Variants in MNS1 observed in about 807,000 individuals in gnomAD.
The protein encoded by MNS1 is meiosis-specific nuclear structural protein 1.
In MNS1, 63 loss-of-function variants were observed where a neutral mutation model predicts 72.0. The observed-to-expected ratio is 0.87, with a 90% CI of 0.71 to 1.08. The LOEUF is 1.08. MNS1 is among the 50% of genes least tolerant of loss of function. The pLI, the probability that MNS1 is intolerant of heterozygous loss-of-function variation, is 0.00. For missense variants in MNS1, 604 were observed against 562.4 expected (o/e 1.07, Z -0.75); for synonymous variants, 188 against 172.1 (o/e 1.09, Z -0.72).
At chr15:56,441,325 A>G (rs1376419344) in intron 7 of MNS1, among the ~76,000 whole-genome samples, 3 of 151,976 alleles carry the variant, frequency 2.0e-5, no homozygotes, top group African/African-American at 7.2e-5. Flanking sequence ...ATCTCGGTGA[A>G]GGTTCCATGT....
Position 56,429,142 on chromosome 15 carries a change from T to C in MNS1, c.1447A>G (p.Lys483Glu). ...DIDLLGEEFR[K>E]VYQQRSEICE... ...ATTTCACTCCTTTGTTGATATACTT[T>C]CCTGAACTCTTCACCAAGCAGATCA... The change falls in exon 10 of 10, where the codon AAA (lysine) becomes GAA (glutamate). Residue 483 changes from lysine to glutamate, a missense_variant. Lys to Glu is a moderately conservative substitution (Grantham distance 56, BLOSUM62 1). Transcript: ENST00000260453. 1.4e-5 allele frequency: 22 copies of C among 1,603,658 alleles called. No homozygotes were observed. The highest frequency in any genetic ancestry group is 1.6e-5 in the Non-Finnish European group (19 of 1,175,966).
chr15:56,431,600 C>G (rs928601887), intron 8 of MNS1, 102 bp from the exon 9 acceptor site: 3 of 1,075,864 alleles, frequency 2.8e-6, no homozygotes, highest in Admixed American at 2.6e-5. Flanking sequence ...AATTGATGAA[C>G]TATTTATGAC....
chr15:56,462,704 G>C (rs1392075353), intron 2 of MNS1, among the ~76,000 whole-genome samples: 1 of 152,170 alleles, frequency 6.6e-6, no homozygotes, highest in South Asian at 2.1e-4. Flanking sequence ...CCGTATGAAT[G>C]TTCCTTGGAT....
At chr15:56,461,660 C>CAAAAAAA (rs11294380) in intron 2 of MNS1, among the ~76,000 whole-genome samples, 2 of 57,092 alleles carry the variant, frequency 3.5e-5, no homozygotes, top group African/African-American at 6.9e-5. Flanking sequence ...GACTCTGTCT[C>CAAAAAAA]AAAAAAAAAA....
intron 3 of MNS1, among the ~76,000 whole-genome samples, chr15:56,448,693 CAT>C (rs2050925621): frequency 6.6e-6 from 1 of 151,152 alleles, no homozygotes; most frequent in African/African-American, 2.4e-5. Flanking sequence ...CAGCAATAAA[CAT>C]ATAAATGCAT....
chr15:56,461,988 T>TG (rs1567155355), intron 2 of MNS1, among the ~76,000 whole-genome samples: 1 of 135,850 alleles, frequency 7.4e-6, no homozygotes, highest in East Asian at 2.2e-4. Flanking sequence ...TTTTTTTTTT[T>TG]TTTTTTTTTT....
At chr15:56,445,667 AC>A (rs1195268559) in intron 4 of MNS1, 1 of 152,176 alleles carries the variant, frequency 6.6e-6, no homozygotes, top group African/African-American at 2.4e-5. Flanking sequence ...TTCTCATTTT[AC>A]AGATAAGAAA....
intron 8 of MNS1, among the ~76,000 whole-genome samples, chr15:56,432,559 A>G (rs1406871507): frequency 6.6e-6 from 1 of 152,206 alleles, no homozygotes; most frequent in Non-Finnish European, 1.5e-5. Context: ...AACTAAGCCG[A>G]CAGCTTCATA....
intron 7 of MNS1, among the ~76,000 whole-genome samples, chr15:56,439,848 C>T (rs2050790018): frequency 6.7e-6 from 1 of 150,338 alleles, no homozygotes; most frequent in Non-Finnish European, 1.5e-5. Flanking sequence ...CGAAGAGTTT[C>T]TAGAGTTGAC....
chr15:56,436,478 G>A (rs553981608), intron 7 of MNS1, among the ~76,000 whole-genome samples: 2 of 152,258 alleles, frequency 1.3e-5, no homozygotes, highest in East Asian at 1.9e-4. Context: ...GAAATTTATA[G>A]CACTAAATGC....
At position 56,443,656 on chromosome 15, in the gene MNS1, C is replaced by T. The variant is rs2140357210; in HGVS notation, c.885G>A (p.Arg295=). ...TTAATACCGCATTCTGAAGCTGTAG[C>T]CTTTTCTCCTCATTTTCTTGAACTT... ...MAKVQENEEK[R]LQLQNALTQK... is the part of the protein sequence containing the mutation. The change falls in exon 6 of 10, where the codon AGG becomes AGA. Residue 295 remains arginine, a synonymous_variant. Coordinates refer to ENST00000260453, the MANE Select transcript of MNS1 (RefSeq NM_018365.4). 1.2e-6 allele frequency: 2 copies of T among 1,612,616 alleles called. No individual in the cohort carries two copies. The highest frequency in any genetic ancestry group is 1.7e-6 in the Non-Finnish European group (2 of 1,179,358).
chr15:56,450,311 AGTG>A (rs2050939321), intron 3 of MNS1, among the ~76,000 whole-genome samples: 2 of 139,240 alleles, frequency 1.4e-5, no homozygotes, highest in South Asian at 2.2e-4. Context: ...TGTACAACTC[AGTG>A]GTGTTAATTA....
At chr15:56,432,602 AC>A (rs1477768903) in intron 8 of MNS1, among the ~76,000 whole-genome samples, 1 of 152,206 alleles carries the variant, frequency 6.6e-6, no homozygotes, top group Non-Finnish European at 1.5e-5. Flanking sequence ...AAAAATTAAG[AC>A]AAAAATTATT....
At chr15:56,463,549 C>T (rs1233914505) in intron 2 of MNS1, among the ~76,000 whole-genome samples, 2 of 152,078 alleles carry the variant, frequency 1.3e-5, no homozygotes, top group East Asian at 3.9e-4. Context: ...TTTGGGAGGC[C>T]GAGGCGGGCG....
At chr15:56,433,057 T>G (rs2050640253) in intron 8 of MNS1, among the ~76,000 whole-genome samples, 1 of 152,290 alleles carries the variant, frequency 6.6e-6, no homozygotes, top group Admixed American at 6.5e-5. Flanking sequence ...CTCCAACACT[T>G]AAATCTACAT....
chr15:56,452,480 T>C (rs1052800884), intron 3 of MNS1, among the ~76,000 whole-genome samples: 2 of 152,056 alleles, frequency 1.3e-5, no homozygotes, highest in Admixed American at 1.3e-4. Flanking sequence ...AGAAAGAAAA[T>C]GGGTATTCAG....
In MNS1 at chr15:56,428,728, A is replaced by G. The variant is rs779792034; in HGVS notation, c.*373T>C. 14 of 358,382 alleles carry G rather than the reference A, an allele frequency of 3.9e-5. No individual in the cohort carries two copies. The highest frequency in any genetic ancestry group is 7.0e-5 in the Non-Finnish European group (14 of 200,446). The allele number at this position is 358,382 out of a possible 1,614,324, so 22.2% of individuals were successfully genotyped here. ...ACAGTAGACCAAAAAAGATGCTTTA[A>G]AAGAAAATTCCAAATATTTATTTCC... On this transcript the variant is annotated 3_prime_UTR_variant, in exon 10 of 10. Transcript: ENST00000260453.
intron 2 of MNS1, among the ~76,000 whole-genome samples, chr15:56,462,384 C>T (rs2051029195): frequency 6.6e-6 from 1 of 152,176 alleles, no homozygotes; most frequent in South Asian, 2.1e-4. Flanking sequence ...ACAACCAGAC[C>T]TCATGTGTTC....
At position 56,434,188 on chromosome 15, in the gene MNS1, C is replaced by T. The variant is rs756166625; in HGVS notation, c.1219G>A (p.Ala407Thr). The change falls in exon 8 of 10, where the codon GCT becomes ACT. Residue 407 changes from alanine (A) to threonine (T), a missense_variant. By Grantham distance (58) the Ala-to-Thr change is moderately conservative (BLOSUM62 0). Transcript: ENST00000260453. The part of the protein sequence containing the change: ...QRMKQLEHRR[A>T]VEKLIEERRQ... ...CGCTCTTCAATAAGTTTTTCCACAG[C>T]CCTCCTGTGTTCCAGCTGCTTCATT... 18 of 1,613,742 alleles carry T rather than the reference C, an allele frequency of 1.1e-5. No individual in the cohort carries two copies. The highest frequency in any genetic ancestry group is 1.4e-5 in the Non-Finnish European group (17 of 1,179,868).
Sources: allele counts gnomAD v4.1 joint callset (sites outside exome capture counted in the v4.1 genomes callset), GRCh38; gene constraint gnomAD v4.1.1; transcripts MANE v1.5; gene names NCBI Gene and HGNC (gene_info 2026-07-23, HGNC 2026-07-21).